The following GSR variants were observed in gnomAD, a reference collection of about 807,000 sequenced individuals.
GSR encodes glutathione-disulfide reductase.
In GSR, 48 loss-of-function variants were observed where a neutral mutation model predicts 56.5. That is an observed-to-expected ratio of 0.85 (90% confidence interval 0.67 to 1.08). The LOEUF (loss-of-function observed/expected upper bound fraction) is 1.08. Among genes scored for constraint, GSR ranks in the 50% least tolerant of loss-of-function variants. The probability of loss-of-function intolerance (pLI) is 0.00; values close to 1 mark genes in which losing one functional copy is unlikely to be tolerated. For synonymous variants in GSR, 264 were observed against 270.8 expected (o/e 0.97, Z 0.25); for missense variants, 694 against 703.3 (o/e 0.99, Z 0.15).
chr8:30,715,825 T>C (rs8190918), intron 1 of GSR, among the ~76,000 whole-genome samples: 1,533 of 152,320 alleles, frequency 0.01, 26 homozygotes, highest in African/African-American at 0.034. Flanking sequence ...TTGTTCCTCA[T>C]GTATATTTGA....
chr8:30,727,567 G>T lies in GSR; in HGVS notation c.269C>A (p.Ala90Asp). Reference sequence around the variant, plus strand: ...CAGCTTGTGGCTCTCCACCACGGCGGCCCTGGCACCCAGCTCGGCCGCCCT... The same window carrying T: ...CAGCTTGTGGCTCTCCACCACGGCGTCCCTGGCACCCAGCTCGGCCGCCCT... Reference protein sequence around the residue: ...ARRAAELGARAAVVESHKLGG... With the variant: ...ARRAAELGARDAVVESHKLGG... Residue 90 changes from alanine (A) to aspartate (D), a missense_variant, in exon 1 of 13, where the codon GCC becomes GAC. By Grantham distance (126) the Ala-to-Asp change is moderately radical. Coordinates refer to ENST00000221130, the MANE Select transcript of GSR (RefSeq NM_000637.5). 1 of 1,535,148 alleles carries T rather than the reference G, an allele frequency of 6.5e-7. No individual in the cohort carries two copies.
intron 9 of GSR, among the ~76,000 whole-genome samples, 177 bp downstream of exon 9, chr8:30,688,984 C>CT (rs556269378): frequency 1.5e-4 from 22 of 148,966 alleles, no homozygotes; most frequent in Admixed American, 4.0e-4. Context: ...GAAGAGAAAA[C>CT]TTTTTTTTTT....
At chr8:30,719,343 A>G (rs1804450345) in intron 1 of GSR, among the ~76,000 whole-genome samples, 2 of 151,318 alleles carry the variant, frequency 1.3e-5, no homozygotes, top group East Asian at 3.9e-4. Flanking sequence ...GTGTCGATCT[A>G]CTGACCTCAT....
At chr8:30,680,851 C>T in intron 12 of GSR, 53 bp downstream of exon 12, 2 of 1,556,386 alleles carry the variant, frequency 1.3e-6, no homozygotes, top group East Asian at 2.2e-5. Context: ...CAAAATACTG[C>T]CATCCCTGTC....
Position 30,727,560 on chromosome 8 carries a change from C to T in GSR, c.276G>A (p.Val92=). ...TGCCACCCAGCTTGTGGCTCTCCAC[C>T]ACGGCGGCCCTGGCACCCAGCTCGG... ...RAAELGARAA[V]VESHKLGGTC... is the part of the protein sequence containing the mutation. Residue 92 remains valine (V), a synonymous_variant, in exon 1 of 13, where the codon GTG becomes GTA. Coordinates refer to ENST00000221130, the MANE Select transcript of GSR (RefSeq NM_000637.5). 1 of 1,536,320 alleles carries T rather than the reference C, an allele frequency of 6.5e-7. No homozygotes were observed. Among genetic ancestry groups the T allele is most frequent in the East Asian group, 2.5e-5 (1 of 40,508 alleles).
intron 9 of GSR, among the ~76,000 whole-genome samples, chr8:30,687,372 G>A (rs1803197097): frequency 6.6e-6 from 1 of 151,892 alleles, no homozygotes; most frequent in African/African-American, 2.4e-5. Flanking sequence ...CAGGCTGGGC[G>A]CAGTGGCTTA....
intron 1 of GSR, among the ~76,000 whole-genome samples, chr8:30,722,974 T>A (rs1804599436): frequency 6.6e-6 from 1 of 152,198 alleles, no homozygotes; most frequent in African/African-American, 2.4e-5. Flanking sequence ...CATAGTTCAC[T>A]GTGACTTGGC....
At chr8:30,698,387 G>GT (rs1481548284) in intron 6 of GSR, among the ~76,000 whole-genome samples, 2 of 152,146 alleles carry the variant, frequency 1.3e-5, no homozygotes, top group Admixed American at 6.6e-5. Context: ...AGTCATGACT[G>GT]TATGTCTCAC....
At chr8:30,726,538 C>G (rs1804729966) in intron 1 of GSR, among the ~76,000 whole-genome samples, 1 of 152,022 alleles carries the variant, frequency 6.6e-6, no homozygotes, top group East Asian at 1.9e-4. Context: ...GCGGGAAGAT[C>G]GGTTGAGTCC....
chr8:30,688,571 C>T, intron 9 of GSR, among the ~76,000 whole-genome samples: 1 of 107,748 alleles, frequency 9.3e-6, no homozygotes, highest in African/African-American at 3.6e-5. Flanking sequence ...AAAGCAAGAC[C>T]CTGTCTCAAA....
At chr8:30,690,314 C>T (rs1403709165) in intron 8 of GSR, among the ~76,000 whole-genome samples, 1 of 151,634 alleles carries the variant, frequency 6.6e-6, no homozygotes, top group Non-Finnish European at 1.5e-5. Context: ...CACGTGCTAC[C>T]TCATCTGGCT....
In GSR at chr8:30,696,477, C is replaced by A. The variant is rs750234827; in HGVS notation, c.698G>T (p.Arg233Leu). 10 of 1,601,514 alleles carry A rather than the reference C, an allele frequency of 6.2e-6. No individual in the cohort carries two copies. Among genetic ancestry groups the A allele is most frequent in the Non-Finnish European group, 7.7e-6 (9 of 1,168,646 alleles). ...GTAACCTGCACCAACAATGACGCTG[C>A]GGCTGAGACGCGAGCAGAGGGTTAG... ...GFFQLEELPGRSVIVGAGYIA... is the reference protein window; with the variant it reads ...GFFQLEELPGLSVIVGAGYIA... Residue 233 changes from arginine (R) to leucine (L), a missense_variant and splice_region_variant, in exon 7 of 13, where the codon CGC becomes CTC. By Grantham distance (102) the Arg-to-Leu change is moderately radical. Coordinates refer to ENST00000221130, the MANE Select transcript of GSR (RefSeq NM_000637.5).
At chr8:30,689,092 G>C (rs1803268875) in intron 9 of GSR, 69 bp downstream of exon 9, 2 of 1,414,672 alleles carry the variant, frequency 1.4e-6, no homozygotes, top group African/African-American at 1.4e-5. Flanking sequence ...TTGGGTGTCT[G>C]GGGGGAAAAT....
chr8:30,689,622 G>A (rs1803290264), intron 8 of GSR, among the ~76,000 whole-genome samples: 1 of 151,662 alleles, frequency 6.6e-6, no homozygotes, highest in Admixed American at 6.6e-5. Flanking sequence ...CTGGAAAAAT[G>A]TAATAACATT....
chr8:30,680,381 GTT>G (rs34342136), intron 12 of GSR, among the ~76,000 whole-genome samples: 1 of 33,374 alleles, frequency 3.0e-5, no homozygotes, highest in Admixed American at 3.8e-4. Flanking sequence ...GGCCTCTCCT[GTT>G]TTTTTTTTTT....
chr8:30,707,829 C>T (rs1158452247), intron 4 of GSR, among the ~76,000 whole-genome samples: 16 of 151,868 alleles, frequency 1.1e-4, no homozygotes, highest in African/African-American at 2.9e-4. Context: ...TGGTGGCACA[C>T]GCCTGTAGTC....
At position 30,711,705 on chromosome 8, in the gene GSR, C is replaced by T. The variant is rs8190932; in HGVS notation, c.333+357G>A. Among the ~76,000 whole-genome samples, 7 of 152,156 alleles carry T rather than the reference C, an allele frequency of 4.6e-5. No homozygotes were observed. The South Asian group carries it at 8.3e-4, about 18-fold the overall frequency. On this transcript the variant is annotated intron_variant, in intron 2 of 12. Transcript: ENST00000221130. ...AAAATCAGTCAAGTGCAGTGGCGCA[C>T]GCCTGTCATCCCAGCTACTTGGGAG...
Position 30,703,135 on chromosome 8 carries a change from T to C in GSR, c.598A>G (p.Thr200Ala). Residue 200 changes from threonine (T) to alanine (A), a missense_variant, in exon 5 of 13, where the codon ACA becomes GCA. Transcript: ENST00000221130. ...KYTAPHILIA[T>A]GGMPSTPHES... is the part of the protein sequence containing the mutation. ...TGAGGGGTGGAGGGCATACCACCTGTGGCGATCAGGATGTGTGGGGCGGTG... is the reference window on the plus strand; with the variant it reads ...TGAGGGGTGGAGGGCATACCACCTGCGGCGATCAGGATGTGTGGGGCGGTG... The C allele has an allele frequency of 7.4e-6, 12 of 1,614,144 alleles. No homozygotes were observed. Among genetic ancestry groups the C allele is most frequent in the Non-Finnish European group, 1.0e-5 (12 of 1,180,004 alleles).
rs1193648305 is a variant in GSR at position 30,679,029 on chromosome 8, A to G, written c.*491T>C. On this transcript the variant is annotated 3_prime_UTR_variant, in exon 13 of 13. Coordinates refer to ENST00000221130, the MANE Select transcript of GSR (RefSeq NM_000637.5). ...TCAGGCATGGTGGTGCGTGCCTGTA[A>G]TTCCAGCTATTCGGGAGGCTAAGGC... 1 of 159,488 alleles carries G rather than the reference A, an allele frequency of 6.3e-6. No homozygotes were observed. Among genetic ancestry groups the G allele is most frequent in the Non-Finnish European group, 1.4e-5 (1 of 73,130 alleles). 9.9% of individuals were successfully genotyped at this position (159,488 alleles called of 1,614,324 possible).
Sources: allele counts gnomAD v4.1 joint callset (sites outside exome capture counted in the v4.1 genomes callset), GRCh38; gene constraint gnomAD v4.1.1; transcripts MANE v1.5; gene names NCBI Gene and HGNC (gene_info 2026-07-23, HGNC 2026-07-21).